The following GPC5 variants were observed in gnomAD, a reference collection of about 807,000 sequenced individuals.
The protein encoded by GPC5 is glypican-5.
Under a neutral mutation model 53.9 loss-of-function variants are expected in GPC5, and 47 were observed. The observed-to-expected ratio is 0.87, with a 90% confidence interval of 0.69 to 1.11. GPC5 has a LOEUF of 1.11. GPC5 is among the 50% of genes most tolerant of loss of function. GPC5 has a pLI of 0.00. For synonymous variants in GPC5, 286 were observed against 263.3 expected (o/e 1.09, Z -0.84); for missense variants, 748 against 713.1 (o/e 1.05, Z -0.56).
chr13:92,353,871 C>A (rs1315470720), intron 7 of GPC5, among the ~76,000 whole-genome samples: 1 of 152,124 alleles, frequency 6.6e-6, no homozygotes, highest in African/African-American at 2.4e-5. Context: ...AAATTTATTT[C>A]TATAGAACAT....
chr13:91,871,075 T>C (rs1379830923), intron 5 of GPC5, among the ~76,000 whole-genome samples: 1 of 152,250 alleles, frequency 6.6e-6, no homozygotes, highest in African/African-American at 2.4e-5. Context: ...GAATAGACTA[T>C]GTGTTATGTG....
intron 1 of GPC5, among the ~76,000 whole-genome samples, chr13:91,434,812 T>C (rs1879783243): frequency 6.6e-6 from 1 of 152,182 alleles, no homozygotes; most frequent in Admixed American, 6.5e-5. Context: ...ATTCTTCCTA[T>C]CCATGAGCAT....
At chr13:92,309,016 T>C (rs1273824310) in intron 7 of GPC5, among the ~76,000 whole-genome samples, 1 of 152,100 alleles carries the variant, frequency 6.6e-6, no homozygotes, top group East Asian at 1.9e-4. Flanking sequence ...ATTATGTAAA[T>C]ATTGAGCACA....
At chr13:92,837,765 G>A (rs1007539523) in intron 7 of GPC5, among the ~76,000 whole-genome samples, 18 of 152,142 alleles carry the variant, frequency 1.2e-4, no homozygotes. Context: ...TGGAAGGCTG[G>A]AATAAACCAG....
At chr13:92,585,826 G>A (rs567143734) in intron 7 of GPC5, among the ~76,000 whole-genome samples, 10 of 152,082 alleles carry the variant, frequency 6.6e-5, no homozygotes, top group Non-Finnish European at 1.2e-4. Context: ...TGGTAAGGGG[G>A]AGTTGTCCTG....
intron 2 of GPC5, among the ~76,000 whole-genome samples, chr13:91,635,358 A>G (rs370603285): frequency 3.5e-4 from 53 of 152,190 alleles, no homozygotes; most frequent in Middle Eastern, 3.4e-3. Context: ...TTCTCCAGAT[A>G]GCTTTTTCTG....
chr13:92,239,647 A>G (rs1041107346), intron 7 of GPC5, among the ~76,000 whole-genome samples: 6 of 152,020 alleles, frequency 3.9e-5, no homozygotes, highest in African/African-American at 1.4e-4. Flanking sequence ...TGAAAACAAC[A>G]ATATATCAGA....
At chr13:91,870,475 C>G (rs752059882) in intron 5 of GPC5, among the ~76,000 whole-genome samples, 2 of 152,116 alleles carry the variant, frequency 1.3e-5, no homozygotes, top group Non-Finnish European at 2.9e-5. Flanking sequence ...TAGCCTTTAT[C>G]CTTATGAATA....
intron 7 of GPC5, among the ~76,000 whole-genome samples, chr13:92,269,089 A>G (rs1415084284): frequency 6.6e-6 from 1 of 152,016 alleles, no homozygotes; most frequent in Non-Finnish European, 1.5e-5. Context: ...GTTATTCATA[A>G]TTACTCTTAT....
intron 7 of GPC5, among the ~76,000 whole-genome samples, chr13:92,699,051 G>T (rs1462341959): frequency 1.3e-5 from 2 of 152,054 alleles, no homozygotes; most frequent in Non-Finnish European, 2.9e-5. Context: ...AATCCGTCTG[G>T]TCCTAGACTT....
At chr13:92,693,334 C>T (rs1365265343) in intron 7 of GPC5, among the ~76,000 whole-genome samples, 3 of 152,058 alleles carry the variant, frequency 2.0e-5, no homozygotes, top group Non-Finnish European at 2.9e-5. Context: ...GTTTAGAAGG[C>T]TCATAATAAG....
At chr13:91,748,008 G>A (rs2037088880) in intron 4 of GPC5, among the ~76,000 whole-genome samples, 1 of 152,156 alleles carries the variant, frequency 6.6e-6, no homozygotes, top group Admixed American at 6.6e-5. Context: ...AAACCCAAAT[G>A]CTCAGTTCTC....
intron 7 of GPC5, among the ~76,000 whole-genome samples, chr13:92,287,433 TAGTAAA>T (rs937689255): frequency 6.6e-6 from 1 of 152,202 alleles, no homozygotes; most frequent in African/African-American, 2.4e-5. Context: ...TTCTATTCAT[TAGTAAA>T]AGTAGGGTTT....
intron 4 of GPC5, among the ~76,000 whole-genome samples, chr13:91,745,692 G>A (rs575619449): frequency 6.6e-6 from 1 of 152,216 alleles, no homozygotes; most frequent in South Asian, 2.1e-4. Flanking sequence ...ATGAGTTCAG[G>A]TGGGGTTCAG....
At chr13:91,399,514 G>A (rs1876765338) in intron 1 of GPC5, among the ~76,000 whole-genome samples, 2 of 152,180 alleles carry the variant, frequency 1.3e-5, no homozygotes, top group African/African-American at 4.8e-5. Flanking sequence ...AGGGCGTGGG[G>A]GACACGCAGT....
chr13:91,989,354 A>G (rs183355170), intron 6 of GPC5, among the ~76,000 whole-genome samples: 51 of 152,364 alleles, frequency 3.3e-4, no homozygotes, highest in South Asian at 1.0e-3. Context: ...TAAGATGAAT[A>G]TGATGGCCTT....
chr13:92,018,186 AGG>A (rs1472437621), intron 6 of GPC5, among the ~76,000 whole-genome samples: 1 of 152,132 alleles, frequency 6.6e-6, no homozygotes, highest in Non-Finnish European at 1.5e-5. Context: ...TGCCTACCAA[AGG>A]TAGGCATTTA....
chr13:92,243,574 C>T (rs2042629358), intron 7 of GPC5, among the ~76,000 whole-genome samples: 1 of 152,014 alleles, frequency 6.6e-6, no homozygotes, highest in African/African-American at 2.4e-5. Flanking sequence ...AAAGAGGAAT[C>T]AAAAGTTACT....
At chr13:92,740,626 C>T (rs1454587988) in intron 7 of GPC5, among the ~76,000 whole-genome samples, 1 of 151,888 alleles carries the variant, frequency 6.6e-6, no homozygotes, top group Non-Finnish European at 1.5e-5. Flanking sequence ...GCTAAAATGG[C>T]TAAAAGTACC....
Sources: gnomAD v4.1 joint callset for allele counts (sites outside exome capture counted in the v4.1 genomes callset) on GRCh38, gnomAD v4.1.1 for gene constraint, MANE v1.5 for transcripts, NCBI Gene and HGNC (gene_info 2026-07-23, HGNC 2026-07-21) for gene names.